ARHGEF11: variants seen among roughly 807,000 people sequenced by gnomAD.
The protein encoded by ARHGEF11 is Rho guanine exchange factor (GEF) 11.
In ARHGEF11, 55 loss-of-function variants were observed where a neutral mutation model predicts 193.7. The ratio of observed to expected loss-of-function variants is 0.28; its 90% CI spans 0.23 to 0.36. The LOEUF (loss-of-function observed/expected upper bound fraction) is 0.36. Ranked by LOEUF, ARHGEF11 falls within the 10% of genes least tolerant of loss-of-function variation. The pLI, the probability that ARHGEF11 is intolerant of heterozygous loss-of-function variation, is 1.00. For synonymous variants in ARHGEF11, 693 were observed against 768.0 expected, an observed-to-expected ratio of 0.90 and a Z score of 1.62; for missense variants, 1,723 against 2,005.6, an observed-to-expected ratio of 0.86 and a Z score of 2.69.
chr1:156,959,920 A>G (rs1557861853), intron 15 of ARHGEF11, among the ~76,000 whole-genome samples: 1 of 123,422 alleles, frequency 8.1e-6, no homozygotes, highest in Non-Finnish European at 1.7e-5. Flanking sequence ...TAAAAACAAA[A>G]ATAACCCCCC....
At chr1:156,984,603 G>A (rs1451060979) in intron 2 of ARHGEF11, among the ~76,000 whole-genome samples, 166 bp from the exon 3 acceptor site, 1 of 152,082 alleles carries the variant, frequency 6.6e-6, no homozygotes, top group Non-Finnish European at 1.5e-5. Flanking sequence ...GCAATGACAC[G>A]CCTCCCTTGG....
chr1:156,977,144 C>A, intron 6 of ARHGEF11, 90 bp from the exon 7 acceptor site: 2 of 1,106,702 alleles, frequency 1.8e-6, no homozygotes, highest in Non-Finnish European at 2.8e-6. Flanking sequence ...GCAAGGACAG[C>A]TATGAGAATA....
chr1:157,037,071 T>G (rs1672133949), intron 1 of ARHGEF11, among the ~76,000 whole-genome samples: 1 of 152,120 alleles, frequency 6.6e-6, no homozygotes, highest in Non-Finnish European at 1.5e-5. Flanking sequence ...GGGGTTGCAG[T>G]GAGCCAAGAT....
chr1:156,997,231 C>T (rs1252257175), intron 1 of ARHGEF11, among the ~76,000 whole-genome samples: 1 of 152,074 alleles, frequency 6.6e-6, no homozygotes, highest in African/African-American at 2.4e-5. Flanking sequence ...CTATCTCACA[C>T]AGCTGCTGTG....
chr1:157,020,758 T>TCAAAA (rs1669873791), intron 1 of ARHGEF11, among the ~76,000 whole-genome samples: 1 of 152,346 alleles, frequency 6.6e-6, no homozygotes, highest in Admixed American at 6.5e-5. Flanking sequence ...TTGACTAACA[T>TCAAAA]TAAAATGAAT....
At chr1:156,959,682 C>T (rs1279463733) in intron 15 of ARHGEF11, among the ~76,000 whole-genome samples, 2 of 152,220 alleles carry the variant, frequency 1.3e-5, no homozygotes, top group South Asian at 2.1e-4. Flanking sequence ...TATGCCTGGG[C>T]TTTCCTCCCC....
rs187940407 is a variant in ARHGEF11, at chr1:156,977,559, C to T, written c.511-505G>A. On this transcript the variant is annotated intron_variant, in intron 6 of 40. Transcript: ENST00000368194. ...TCCTGAGTACCTGGGACCACAGGTGCATGCCACCATGTCTGGCTAATTTTT... is the reference window on the plus strand; with the variant it reads ...TCCTGAGTACCTGGGACCACAGGTGTATGCCACCATGTCTGGCTAATTTTT... 2.6e-5 allele frequency among the ~76,000 whole-genome samples: 4 copies of T among 152,274 alleles called. No individual in the cohort carries two copies. The East Asian group carries it at 7.7e-4, about 29-fold the overall frequency.
chr1:156,981,049 T>C (rs993284483), intron 3 of ARHGEF11, among the ~76,000 whole-genome samples: 1 of 152,038 alleles, frequency 6.6e-6, no homozygotes, highest in Non-Finnish European at 1.5e-5. Context: ...TTTTTTTTTA[T>C]AGACAGCCTT....
At chr1:156,990,354 C>G (rs1319990253) in intron 1 of ARHGEF11, among the ~76,000 whole-genome samples, 1 of 152,154 alleles carries the variant, frequency 6.6e-6, no homozygotes, top group African/African-American at 2.4e-5. Context: ...TTTGATTACT[C>G]AGGTAAAGTG....
intron 7 of ARHGEF11, 142 bp downstream of exon 7, chr1:156,976,841 A>T: frequency 1.4e-6 from 1 of 697,900 alleles, no homozygotes; most frequent in Non-Finnish European, 2.5e-6. Context: ...ACAATTCTTT[A>T]GTGGTCCGGA....
At chr1:156,947,746 G>A in intron 25 of ARHGEF11, 23 bp downstream of exon 25, 1 of 1,610,416 alleles carries the variant, frequency 6.2e-7, no homozygotes, top group East Asian at 2.2e-5. Context: ...AGCGGAGCTG[G>A]GGGCAGTGGA....
At chr1:156,939,258 G>T in intron 37 of ARHGEF11, 1 of 412,932 alleles carries the variant, frequency 2.4e-6, no homozygotes. Flanking sequence ...GTTGGTTTGT[G>T]CCAGGCAGAA....
intron 38 of ARHGEF11, among the ~76,000 whole-genome samples, chr1:156,938,075 C>T (rs187390630): frequency 1.1e-4 from 17 of 152,290 alleles, no homozygotes; most frequent in African/African-American, 3.6e-4. Context: ...GACACTGGAG[C>T]GGCGGCTGAG....
At chr1:156,946,808 C>T (rs373046844) in intron 27 of ARHGEF11, 21 bp from the exon 28 acceptor site, 28 of 1,613,758 alleles carry the variant, frequency 1.7e-5, no homozygotes, top group African/African-American at 6.7e-5. Flanking sequence ...AGAATGGACA[C>T]GGGGCCAGGC....
chr1:156,967,276 C>T (rs549008264), intron 11 of ARHGEF11, among the ~76,000 whole-genome samples: 21 of 152,260 alleles, frequency 1.4e-4, no homozygotes, highest in South Asian at 8.3e-4. Flanking sequence ...ACAGGTAGAA[C>T]GTTGAATATT....
In ARHGEF11 at chr1:156,948,189, C is replaced by T; in HGVS notation, c.2145G>A (p.Met715Ile). Residue 715 changes from methionine to isoleucine, a missense_variant, in exon 24 of 41, where the codon ATG becomes ATA. Transcript: ENST00000368194. This position sits in a 1 kb window ranked among gnomAD's most constrained non-coding sequence, Gnocchi z 4.2. ...ENPTPPFTPK[M>I]GRRSIESPSL... ...CCGTGCCCATCACTTACCTGCGGCC[C>T]ATTTTGGGAGTGAATGGAGGGGTTG... The T allele has an allele frequency of 1.9e-6, 3 of 1,568,884 alleles. No homozygotes were observed. Among genetic ancestry groups the T allele is most frequent in the Non-Finnish European group, 2.6e-6 (3 of 1,155,656 alleles).
Position 156,939,252 on chromosome 1 carries a change from G to A in ARHGEF11, c.4096+296C>T, listed in dbSNP as rs184222557. The A allele has an allele frequency of 9.5e-5, 38 of 400,570 alleles. No homozygotes were observed. The East Asian group carries it at 2.2e-3, about 23-fold the overall frequency. The allele number at this position is 400,570 out of a possible 1,614,324, so 24.8% of individuals were successfully genotyped here. On this transcript the variant is annotated intron_variant, in intron 37 of 40. Transcript: ENST00000368194. The stretch of plus-strand genomic sequence containing the variant: ...TAACAGAGACTGGTACTGGTAGTTG[G>A]TTTGTGCCAGGCAGAAAGAAATGTC...
chr1:156,963,271 T>G lies in ARHGEF11; in HGVS notation c.1072A>C (p.Lys358Gln). The part of the protein sequence containing the change: ...DIIFQDLEKL[K>Q]SRPAHLGVFL... ...ACCCCCAGGTGAGCTGGCCGAGACTTCAGTTTCTCCAGATCCTGGAATATG... is the reference window on the plus strand; with the variant it reads ...ACCCCCAGGTGAGCTGGCCGAGACTGCAGTTTCTCCAGATCCTGGAATATG... Residue 358 changes from lysine (K) to glutamine (Q), a missense_variant, in exon 13 of 41, where the codon AAG becomes CAG. Lys to Gln is a moderately conservative substitution (Grantham distance 53, BLOSUM62 1). Around this residue, in one of 5 missense-constraint regions of ARHGEF11, gnomAD observed 646 missense variants for 710.7 expected, o/e 0.91. Transcript: ENST00000368194. 1 of 1,614,136 alleles carries G rather than the reference T, an allele frequency of 6.2e-7. No individual in the cohort carries two copies. The highest frequency in any genetic ancestry group is 8.5e-7 in the Non-Finnish European group (1 of 1,180,030).
At chr1:156,963,382 T>G (rs1661241339) in intron 12 of ARHGEF11, 78 bp from the exon 13 acceptor site, 2 of 1,501,114 alleles carry the variant, frequency 1.3e-6, no homozygotes, top group East Asian at 4.5e-5. Flanking sequence ...CCCATGTGAT[T>G]CCCCGTCCTG....
Sources: gnomAD v4.1 joint callset for allele counts (sites outside exome capture counted in the v4.1 genomes callset) on GRCh38, gnomAD v4.1.1 for gene constraint, gnomAD v4.1.1 regional missense constraint, Gnocchi (gnomAD v3.1) non-coding constraint, MANE v1.5 for transcripts, NCBI Gene and HGNC (gene_info 2026-07-23, HGNC 2026-07-21) for gene names.